Variants in C5 observed in about 807,000 individuals in gnomAD.
C5 encodes the protein C3 and PZP-like alpha-2-macroglobulin domain-containing protein 4.
A neutral mutation model predicts 218.8 loss-of-function variants in C5; 140 were observed. The ratio of observed to expected loss-of-function variants is 0.64; its 90% CI spans 0.56 to 0.74. The LOEUF (loss-of-function observed/expected upper bound fraction) is 0.74, where lower values mean the gene tolerates loss of function less well. C5 is among the 30% of genes least tolerant of loss of function. The probability of loss-of-function intolerance (pLI) is 0.00; values close to 1 mark genes in which losing one functional copy is unlikely to be tolerated. For synonymous variants in C5, 614 were observed against 682.3 expected, an observed-to-expected ratio of 0.90 and a Z score of 1.56; for missense variants, 1,700 against 1,969.6, an observed-to-expected ratio of 0.86 and a Z score of 2.59.
intron 25 of C5, among the ~76,000 whole-genome samples, chr9:120,983,694 C>T (rs2047012048): frequency 2.0e-5 from 3 of 151,978 alleles, no homozygotes; most frequent in Non-Finnish European, 4.4e-5. Flanking sequence ...CACCTATAGT[C>T]TCAGCTACTT....
rs2046955747 is a variant in C5 at position 120,976,710 on chromosome 9, T to A, written c.3854A>T (p.Tyr1285Phe). The A allele has an allele frequency of 6.2e-7, 1 of 1,613,786 alleles. No individual in the cohort carries two copies. The highest frequency in any genetic ancestry group is 8.5e-7 in the Non-Finnish European group (1 of 1,179,776). The change falls in exon 29 of 41, where the codon TAT becomes TTT. Residue 1285 changes from tyrosine (Y) to phenylalanine (F), a missense_variant. Transcript: ENST00000223642. ...SEEQRYGGGF[Y>F]STQDTINAIE... is the part of the protein sequence containing the mutation. Reference sequence around the variant, plus strand: ...ACAAAGAAATGTTACCTGGGTTGAATAAAAGCCACCTCCATACCTCTGCTC... The same window carrying A: ...ACAAAGAAATGTTACCTGGGTTGAAAAAAAGCCACCTCCATACCTCTGCTC...
At chr9:121,004,017 T>C (rs1394242012) in intron 20 of C5, among the ~76,000 whole-genome samples, 6 of 152,014 alleles carry the variant, frequency 3.9e-5, no homozygotes, top group African/African-American at 7.2e-5. Context: ...TACAGGCGCC[T>C]GCCACCAAGC....
At chr9:120,962,024 G>T (rs924967574) in intron 36 of C5, among the ~76,000 whole-genome samples, 1 of 152,158 alleles carries the variant, frequency 6.6e-6, no homozygotes, top group Non-Finnish European at 1.5e-5. Context: ...TTCACTTCAA[G>T]AATTTTCTAA....
At chr9:121,074,557 G>A in the C5 span, among the ~76,000 whole-genome samples, 1 of 152,222 alleles carries the variant, frequency 6.6e-6, no homozygotes, top group Admixed American at 6.5e-5. Context: ...CGCTCATAGC[G>A]CGCAAGCATC....
intron 25 of C5, among the ~76,000 whole-genome samples, chr9:120,984,293 T>A (rs963717877): frequency 6.6e-5 from 10 of 152,208 alleles, no homozygotes; most frequent in African/African-American, 2.4e-4. Flanking sequence ...AGAAATTTAT[T>A]TTCTACTCTA....
intron 3 of C5, among the ~76,000 whole-genome samples, chr9:121,040,217 C>A (rs2047565428): frequency 6.6e-6 from 1 of 151,990 alleles, no homozygotes; most frequent in African/African-American, 2.4e-5. Flanking sequence ...AAAGGAGGGG[C>A]AAGAATGTAC....
chr9:121,068,134 C>A, the C5 span, among the ~76,000 whole-genome samples: 3 of 151,730 alleles, frequency 2.0e-5, no homozygotes, highest in Non-Finnish European at 4.4e-5. Flanking sequence ...CTAGCAAGTG[C>A]AATTAGATAA....
At chr9:121,006,784 A>G in intron 19 of C5, 120 bp downstream of exon 19, 1 of 721,968 alleles carries the variant, frequency 1.4e-6, no homozygotes, top group South Asian at 1.6e-5. Flanking sequence ...TAAAAAAAAG[A>G]ATATTTTTTA....
Position 121,030,439 on chromosome 9 carries a change from C to A in C5, c.716G>T (p.Gly239Val). ...VSIEPEYNFI[G>V]YKNFKNFEIT... Reference sequence around the variant, plus strand: ...TTCAAAATTCTTAAAGTTCTTGTAACCAATGAAATTATATTCTGGCTCGAT... The same window carrying A: ...TTCAAAATTCTTAAAGTTCTTGTAAACAATGAAATTATATTCTGGCTCGAT... Residue 239 changes from glycine (G) to valine (V), a missense_variant, in exon 7 of 41, where the codon GGT becomes GTT. By Grantham distance (109) the Gly-to-Val change is moderately radical. Transcript: ENST00000223642. 6.5e-7 allele frequency: 1 copy of A among 1,543,056 alleles called. No individual in the cohort carries two copies. The highest frequency in any genetic ancestry group is 1.2e-5 in the South Asian group (1 of 81,844).
At chr9:120,992,425 A>G (rs1439459238) in intron 22 of C5, among the ~76,000 whole-genome samples, 1 of 152,236 alleles carries the variant, frequency 6.6e-6, no homozygotes, top group Non-Finnish European at 1.5e-5. Context: ...TTAAATGGAG[A>G]TAACAACATT....
rs1251729251 is a variant in C5, at chr9:121,030,528, A to G, written c.668-41T>C. ...AACAGGTAATATTACCATTTTGATT[A>G]GAGCAGACTTTAAAGCCTAGCAAAC... is the stretch of plus-strand genomic sequence containing the variant. On this transcript the variant is annotated intron_variant, in intron 6 of 40. Transcript: ENST00000223642. The G allele has an allele frequency of 1.7e-5, 21 of 1,217,208 alleles. No individual in the cohort carries two copies. In the East Asian group the frequency reaches 5.3e-4, roughly 31 times the overall value. The allele number at this position is 1,217,208 out of a possible 1,614,324, so 75.4% of individuals were successfully genotyped here.
At chr9:121,032,825 C>T (rs558105582) in intron 5 of C5, among the ~76,000 whole-genome samples, 2 of 152,180 alleles carry the variant, frequency 1.3e-5, no homozygotes, top group Admixed American at 1.3e-4. Context: ...CATGATGAAA[C>T]CCCATCTCTA....
Position 121,005,945 on chromosome 9 carries a change from A to G in C5, c.2536T>C (p.Tyr846His). ...GEQIQLKGTV[Y>H]NYRTSGMQFC... ...TGCATCCCAGAAGTCCTATAGTTGT[A>G]AACAGTTCCTTTCAATTGGATCTGT... The change falls in exon 20 of 41, where the codon TAC (tyrosine) becomes CAC (histidine). Residue 846 changes from tyrosine to histidine, a missense_variant. Coordinates refer to ENST00000223642, the MANE Select transcript of C5 (RefSeq NM_001735.3). 1.2e-6 allele frequency: 2 copies of G among 1,613,494 alleles called. No homozygotes were observed. The highest frequency in any genetic ancestry group is 1.7e-6 in the Non-Finnish European group (2 of 1,179,556).
In C5 at chr9:121,020,140, CCT is replaced by C; in HGVS notation, c.1340_1341del (p.Gln447ArgfsTer21). On this transcript the variant is annotated frameshift_variant, in exon 12 of 41. Coordinates refer to ENST00000223642, the MANE Select transcript of C5 (RefSeq NM_001735.3). LOFTEE classifies it high-confidence loss of function. ...GCTATTGCTCGGTAACCTTCCCTGG[CCT>C]GATTTTCTTCTGGAAGATCTGGAGC... is the stretch of plus-strand genomic sequence containing the variant. ...TDAPDLPEEN[Q>X]AREGYRAIAY... is the part of the protein sequence containing the mutation. The C allele has an allele frequency of 6.2e-7, 1 of 1,613,968 alleles. No homozygotes were observed. The highest frequency in any genetic ancestry group is 8.5e-7 in the Non-Finnish European group (1 of 1,179,932).
chr9:121,064,821 T>G, the C5 span, among the ~76,000 whole-genome samples: 3 of 152,048 alleles, frequency 2.0e-5, no homozygotes, highest in African/African-American at 7.2e-5. Context: ...AGCTGAGGAT[T>G]TGGGAGGCTG....
intron 4 of C5, 45 bp downstream of exon 4, chr9:121,037,836 C>T (rs2047541784): frequency 1.2e-6 from 1 of 855,560 alleles, no homozygotes; most frequent in South Asian, 1.7e-5. Context: ...GATTCTTGTC[C>T]TGAAAAATGA....
chr9:120,980,471 T>C (rs2046983974), intron 27 of C5, among the ~76,000 whole-genome samples: 1 of 152,148 alleles, frequency 6.6e-6, no homozygotes. Context: ...CCAAATCAGG[T>C]TAAGCTTTTT....
rs376359892 is a variant in C5 at position 120,953,711 on chromosome 9, A to C, written c.4901+19T>G. On this transcript the variant is annotated intron_variant, in intron 40 of 40. Coordinates refer to ENST00000223642, the MANE Select transcript of C5 (RefSeq NM_001735.3). ...GTTTTGGAGGGAAGATCAGTGACTG[A>C]AAAATATTGGTGACTTACCTGAAAC... 2 of 1,613,330 alleles carry C rather than the reference A, an allele frequency of 1.2e-6. No homozygotes were observed. The highest frequency in any genetic ancestry group is 1.7e-6 in the Non-Finnish European group (2 of 1,179,362).
At chr9:120,974,282 C>A (rs2046935939) in intron 30 of C5, among the ~76,000 whole-genome samples, 1 of 152,160 alleles carries the variant, frequency 6.6e-6, no homozygotes, top group African/African-American at 2.4e-5. Flanking sequence ...AGGCCAACTC[C>A]AACCTGGCCA....
Sources: allele counts gnomAD v4.1 joint callset (sites outside exome capture counted in the v4.1 genomes callset), GRCh38; gene constraint gnomAD v4.1.1; transcripts MANE v1.5; gene names NCBI Gene and HGNC (gene_info 2026-07-23, HGNC 2026-07-21).